Variants in SYN2 observed in about 807,000 individuals in gnomAD.
SYN2 encodes the protein synapsin II.
In SYN2, 19 loss-of-function variants were observed where a neutral mutation model predicts 50.9. That is an observed-to-expected ratio of 0.37 (90% confidence interval 0.26 to 0.55). SYN2 has a LOEUF of 0.55. Among genes scored for constraint, SYN2 ranks in the 20% least tolerant of loss-of-function variants. The probability of loss-of-function intolerance (pLI) is 0.81; values close to 1 mark genes in which losing one functional copy is unlikely to be tolerated. For missense variants in SYN2, 587 were observed against 576.4 expected (o/e 1.02, Z -0.19); for synonymous variants, 255 against 224.9 (o/e 1.13, Z -1.20).
chr3:12,181,497 A>G (rs1242377611), intron 10 of SYN2, among the ~76,000 whole-genome samples: 2 of 152,266 alleles, frequency 1.3e-5, no homozygotes, highest in Non-Finnish European at 2.9e-5. Flanking sequence ...AAGGCTAGAA[A>G]GGGCAAGCCC....
intron 1 of SYN2, among the ~76,000 whole-genome samples, chr3:12,055,181 A>T (rs1386900060): frequency 6.6e-6 from 1 of 152,132 alleles, no homozygotes; most frequent in Non-Finnish European, 1.5e-5. Context: ...AAGATATAGA[A>T]TGATCTTTGA....
chr3:12,078,362 T>C (rs904182837), intron 1 of SYN2, among the ~76,000 whole-genome samples: 1 of 150,530 alleles, frequency 6.6e-6, no homozygotes, highest in African/African-American at 2.4e-5. Context: ...ATTGCTTTCA[T>C]CATGACATCT....
chr3:12,097,725 AC>A (rs1319552503), intron 1 of SYN2, among the ~76,000 whole-genome samples: 5 of 152,186 alleles, frequency 3.3e-5, no homozygotes, highest in Non-Finnish European at 5.9e-5. Flanking sequence ...GAAGCTGGAA[AC>A]CATCATTCTC....
At chr3:12,052,846 GAA>G (rs1422974762) in intron 1 of SYN2, among the ~76,000 whole-genome samples, 4 of 152,180 alleles carry the variant, frequency 2.6e-5, no homozygotes, top group Non-Finnish European at 2.9e-5. Flanking sequence ...AGCTGTCAGA[GAA>G]ATGCTAAGTT....
At chr3:12,036,337 C>G (rs1363044414) in intron 1 of SYN2, among the ~76,000 whole-genome samples, 1 of 152,210 alleles carries the variant, frequency 6.6e-6, no homozygotes, top group African/African-American at 2.4e-5. Flanking sequence ...CCCAGGACAT[C>G]TGCAACATCC....
At chr3:12,188,839 T>TA (rs1240403769) in intron 12 of SYN2, among the ~76,000 whole-genome samples, 2 of 152,152 alleles carry the variant, frequency 1.3e-5, no homozygotes, top group African/African-American at 4.8e-5. Context: ...GACTTTTTTT[T>TA]AATCCCTCCT....
At chr3:12,005,174 C>T (rs1693769451) in intron 1 of SYN2, among the ~76,000 whole-genome samples, 1 of 152,064 alleles carries the variant, frequency 6.6e-6, no homozygotes, top group Non-Finnish European at 1.5e-5. Flanking sequence ...CCCCCAGGTC[C>T]CATACAAGAA....
chr3:12,005,413 C>T (rs1559382927), intron 1 of SYN2, among the ~76,000 whole-genome samples: 1 of 151,772 alleles, frequency 6.6e-6, no homozygotes, highest in Non-Finnish European at 1.5e-5. Flanking sequence ...TTTTTTTTAA[C>T]CAGGACCCAT....
intron 5 of SYN2, among the ~76,000 whole-genome samples, chr3:12,156,492 G>C (rs1314996432): frequency 6.6e-6 from 1 of 152,226 alleles, no homozygotes; most frequent in Non-Finnish European, 1.5e-5. Context: ...TTAGAGAGGA[G>C]ACTTCGACTC....
intron 1 of SYN2, among the ~76,000 whole-genome samples, chr3:12,111,224 G>A (rs1170909055): frequency 2.6e-5 from 4 of 152,154 alleles, no homozygotes; most frequent in African/African-American, 9.7e-5. Context: ...TTCCCCTGCG[G>A]AAGTTCTTTG....
intron 1 of SYN2, among the ~76,000 whole-genome samples, chr3:12,035,608 C>T (rs1410754051): frequency 6.6e-6 from 1 of 152,126 alleles, no homozygotes; most frequent in Non-Finnish European, 1.5e-5. Flanking sequence ...CGGAGGCTAT[C>T]ATAAATTGAT....
intron 5 of SYN2, among the ~76,000 whole-genome samples, chr3:12,156,545 C>T (rs752860278): frequency 1.3e-4 from 20 of 152,298 alleles, no homozygotes; most frequent in African/African-American, 4.3e-4. Context: ...ATTTGAAAAA[C>T]GGAAGCAGCT....
At chr3:12,164,716 C>T (rs532089607) in intron 7 of SYN2, among the ~76,000 whole-genome samples, 5 of 152,092 alleles carry the variant, frequency 3.3e-5, no homozygotes, top group Non-Finnish European at 5.9e-5. Flanking sequence ...CCCACATGCC[C>T]CAGGTAGCCT....
intron 9 of SYN2, among the ~76,000 whole-genome samples, 180 bp from the exon 10 acceptor site, chr3:12,169,577 T>C (rs1241486656): frequency 6.6e-6 from 1 of 152,160 alleles, no homozygotes; most frequent in African/African-American, 2.4e-5. Context: ...CAAAGGTTTG[T>C]AGAAGGAAGG....
chr3:12,154,291 C>G lies in SYN2; in HGVS notation c.774+2965C>G, dbSNP rs1358017437. 6 of 1,613,818 alleles carry G rather than the reference C, an allele frequency of 3.7e-6. No individual in the cohort carries two copies. The East Asian group carries it at 1.3e-4, about 36-fold the overall frequency. ...GAATGAAGGCTCAGAACCCTTCCCC[C>G]ATCCCTAAAGACTTTGGAAATGGAC... On this transcript the variant is annotated intron_variant, in intron 5 of 12. Transcript: ENST00000621198.
chr3:12,137,088 A>G (rs965121116), intron 1 of SYN2, among the ~76,000 whole-genome samples: 4 of 152,042 alleles, frequency 2.6e-5, no homozygotes, highest in South Asian at 2.1e-4. Flanking sequence ...TGTACAAAAA[A>G]AATTTAAAAA....
At chr3:12,153,051 T>C (rs1697348198) in intron 5 of SYN2, 2 of 230,276 alleles carry the variant, frequency 8.7e-6, no homozygotes, top group Admixed American at 9.8e-5. Context: ...AAGTAGAGGA[T>C]ACACAGCCAC....
chr3:12,059,293 G>C (rs976279462), intron 1 of SYN2, among the ~76,000 whole-genome samples: 1 of 152,202 alleles, frequency 6.6e-6, no homozygotes, highest in African/African-American at 2.4e-5. Flanking sequence ...TTACACATTG[G>C]TTTTGGCCTA....
At chr3:12,062,698 G>A (rs1246390312) in intron 1 of SYN2, among the ~76,000 whole-genome samples, 2 of 151,966 alleles carry the variant, frequency 1.3e-5, no homozygotes, top group African/African-American at 4.8e-5. Context: ...ACTAAACATA[G>A]TCTTACCATA....
Sources: gnomAD v4.1 joint callset for allele counts (sites outside exome capture counted in the v4.1 genomes callset) on GRCh38, gnomAD v4.1.1 for gene constraint, MANE v1.5 for transcripts, NCBI Gene and HGNC (gene_info 2026-07-23, HGNC 2026-07-21) for gene names.